The following SPNS3 variants were observed in gnomAD, a reference collection of about 807,000 sequenced individuals.
SPNS3 encodes the protein SPNS lysolipid transporter 3, sphingosine-1-phosphate (putative).
A neutral mutation model predicts 54.4 loss-of-function variants in SPNS3; 51 were observed. That is an observed-to-expected ratio of 0.94 (90% CI 0.75 to 1.18). The LOEUF (loss-of-function observed/expected upper bound fraction) is 1.18. Ranked by LOEUF, SPNS3 falls within the 50% of genes most tolerant of loss-of-function variation. The probability of loss-of-function intolerance (pLI) is 0.00; values close to 1 mark genes in which losing one functional copy is unlikely to be tolerated. For missense variants in SPNS3, 669 were observed against 677.4 expected, an observed-to-expected ratio of 0.99 and a Z score of 0.14; for synonymous variants, 309 against 294.7, an observed-to-expected ratio of 1.05 and a Z score of -0.50.
At chr17:4,477,242 ATGACGTC>A (rs1384783547) in intron 8 of SPNS3, among the ~76,000 whole-genome samples, 1 of 152,158 alleles carries the variant, frequency 6.6e-6, no homozygotes, top group African/African-American at 2.4e-5. Flanking sequence ...AATGGGTGTA[ATGACGTC>A]TGCCTTACAG....
chr17:4,452,934 A>T, intron 7 of SPNS3, 82 bp from the exon 8 acceptor site: 1 of 1,387,916 alleles, frequency 7.2e-7, no homozygotes, highest in Non-Finnish European at 1.0e-6. Context: ...CCGAGGGGCT[A>T]GACCTGGGGC....
chr17:4,472,976 A>C (rs2144177511), intron 8 of SPNS3, among the ~76,000 whole-genome samples: 1 of 150,674 alleles, frequency 6.6e-6, no homozygotes, highest in African/African-American at 2.4e-5. Flanking sequence ...ATCTGTAGAG[A>C]TAGAGGCTCA....
chr17:4,435,440 CAAA>C (rs759364661), intron 1 of SPNS3, among the ~76,000 whole-genome samples: 6 of 68,402 alleles, frequency 8.8e-5, no homozygotes, highest in East Asian at 3.7e-4. Flanking sequence ...GGCTCTGTCT[CAAA>C]AAAAAAAAAA....
At chr17:4,462,971 C>T (rs949064497) in intron 8 of SPNS3, among the ~76,000 whole-genome samples, 1 of 151,194 alleles carries the variant, frequency 6.6e-6, no homozygotes, top group Non-Finnish European at 1.5e-5. Context: ...CCTGGGGAGA[C>T]AGGCTCCAAA....
intron 8 of SPNS3, among the ~76,000 whole-genome samples, chr17:4,465,696 C>A (rs1205050940): frequency 6.6e-6 from 1 of 151,936 alleles, no homozygotes; most frequent in Non-Finnish European, 1.5e-5. Context: ...CCAATGTGCT[C>A]CAGCCTGGGT....
At chr17:4,446,264 G>A (rs920690271) in intron 4 of SPNS3, 65 bp downstream of exon 4, 4 of 1,538,640 alleles carry the variant, frequency 2.6e-6, no homozygotes, top group Non-Finnish European at 3.5e-6. Flanking sequence ...GTCAGAACAG[G>A]GGCTGGACCT....
intron 8 of SPNS3, among the ~76,000 whole-genome samples, chr17:4,474,903 T>C (rs1474942964): frequency 6.6e-6 from 1 of 152,206 alleles, no homozygotes; most frequent in Admixed American, 6.5e-5. Flanking sequence ...TACGTAGTTG[T>C]GGCGTGTGAG....
At chr17:4,478,673 G>A (rs1208301302) in intron 9 of SPNS3, 36 bp downstream of exon 9, 3 of 1,564,590 alleles carry the variant, frequency 1.9e-6, no homozygotes, top group Non-Finnish European at 2.6e-6. Flanking sequence ...GCTGAGCAGG[G>A]GGAGCTGGAG....
At chr17:4,469,580 C>G (rs919254491) in intron 8 of SPNS3, among the ~76,000 whole-genome samples, 1 of 143,302 alleles carries the variant, frequency 7.0e-6, no homozygotes, top group African/African-American at 2.7e-5. Flanking sequence ...GATCGCGCCA[C>G]TGCACGCCAG....
At position 4,486,257 on chromosome 17, in the gene SPNS3, G is replaced by A. The variant is rs1157872901; in HGVS notation, c.1209G>A (p.Thr403=). The change falls in exon 10 of 12, where the codon ACG becomes ACA. Residue 403 remains threonine (T), a synonymous_variant. Transcript: ENST00000355530. This position sits in a 1 kb window ranked among gnomAD's most constrained non-coding sequence, Gnocchi z 5.5. ...LSVVVPRCRG[T]AEALQITVGH... Reference sequence around the variant, plus strand: ...TGGTGGTGCCCAGATGCCGGGGGACGGCAGAGGCACTTCAGATCACGGTGG... The same window carrying A: ...TGGTGGTGCCCAGATGCCGGGGGACAGCAGAGGCACTTCAGATCACGGTGG... 7 of 1,574,198 alleles carry A rather than the reference G, an allele frequency of 4.4e-6. No individual in the cohort carries two copies. The highest frequency in any genetic ancestry group is 2.3e-5 in the East Asian group (1 of 44,182).
chr17:4,445,563 G>T (rs1970962515), intron 3 of SPNS3, among the ~76,000 whole-genome samples: 2 of 152,078 alleles, frequency 1.3e-5, no homozygotes, highest in Admixed American at 1.3e-4. Context: ...TTTTAGTAGA[G>T]ACAGGGTTTC....
chr17:4,443,215 C>T (rs546219021), intron 2 of SPNS3, among the ~76,000 whole-genome samples: 3 of 152,176 alleles, frequency 2.0e-5, no homozygotes, highest in East Asian at 1.9e-4. Context: ...GGATTACAGG[C>T]GCCCGCCACC....
chr17:4,482,838 C>T (rs546274654), intron 9 of SPNS3, among the ~76,000 whole-genome samples: 24 of 152,348 alleles, frequency 1.6e-4, no homozygotes, highest in Non-Finnish European at 2.5e-4. Context: ...CCCAATCCCC[C>T]TCCAGGCAGG....
At chr17:4,438,550 TG>T (rs1415054871) in intron 1 of SPNS3, among the ~76,000 whole-genome samples, 1 of 152,268 alleles carries the variant, frequency 6.6e-6, no homozygotes, top group Admixed American at 6.5e-5. Flanking sequence ...CAGACCCTGG[TG>T]TCTGGGAGAC....
chr17:4,439,625 C>T (rs1567552521), intron 1 of SPNS3, 33 bp from the exon 2 acceptor site: 1 of 1,604,044 alleles, frequency 6.2e-7, no homozygotes, highest in South Asian at 1.1e-5. Flanking sequence ...AGGGCTACTT[C>T]CCGTTTCCTG....
chr17:4,484,370 G>T (rs1972253147), intron 9 of SPNS3, among the ~76,000 whole-genome samples: 1 of 152,104 alleles, frequency 6.6e-6, no homozygotes. Context: ...ACTCAGGCTG[G>T]AGTATAGTGG....
intron 7 of SPNS3, among the ~76,000 whole-genome samples, chr17:4,452,809 G>A (rs546939566): frequency 3.0e-4 from 46 of 152,148 alleles, no homozygotes; most frequent in African/African-American, 1.1e-3. Flanking sequence ...GGGGGTAGGG[G>A]AGAGCAGTGG....
chr17:4,434,230 A>G, intron 1 of SPNS3, 64 bp downstream of exon 1: 1 of 1,465,976 alleles, frequency 6.8e-7, no homozygotes, highest in Non-Finnish European at 9.3e-7. Context: ...GGGGCTGCAG[A>G]TCCATGGTGG....
At chr17:4,466,081 G>T (rs1388326849) in intron 8 of SPNS3, among the ~76,000 whole-genome samples, 1 of 152,214 alleles carries the variant, frequency 6.6e-6, no homozygotes, top group African/African-American at 2.4e-5. Flanking sequence ...TATGGCCATG[G>T]CCAGGTGGCT....
Sources: gnomAD v4.1 joint callset for allele counts (sites outside exome capture counted in the v4.1 genomes callset) on GRCh38, gnomAD v4.1.1 for gene constraint, Gnocchi (gnomAD v3.1) non-coding constraint, MANE v1.5 for transcripts, NCBI Gene and HGNC (gene_info 2026-07-23, HGNC 2026-07-21) for gene names.